Variants in DPP10 observed in about 807,000 individuals in gnomAD.
DPP10 encodes the protein dipeptidyl peptidase like 10.
Under a neutral mutation model 120.9 loss-of-function variants are expected in DPP10, and 33 were observed. The observed-to-expected ratio is 0.27, with a 90% confidence interval of 0.21 to 0.37. The LOEUF is 0.37. Ranked by LOEUF, DPP10 falls within the 10% of genes least tolerant of loss-of-function variation. DPP10 has a pLI of 1.00. For synonymous variants in DPP10, 337 were observed against 326.1 expected (o/e 1.03, Z -0.36); for missense variants, 816 against 942.8 (o/e 0.87, Z 1.76).
At chr2:114,602,174 T>C (rs970534555) in intron 1 of DPP10, among the ~76,000 whole-genome samples, 1 of 151,830 alleles carries the variant, frequency 6.6e-6, no homozygotes, top group Admixed American at 6.6e-5. Context: ...GCCATGAAAG[T>C]TGAATTTTCC....
chr2:115,178,771 A>G (rs777244475), intron 1 of DPP10, among the ~76,000 whole-genome samples: 5 of 152,212 alleles, frequency 3.3e-5, no homozygotes, highest in Non-Finnish European at 7.3e-5. Flanking sequence ...GTATGTATAT[A>G]TACATTTATT....
intron 5 of DPP10, among the ~76,000 whole-genome samples, chr2:115,645,163 C>T (rs1344330686): frequency 6.6e-6 from 1 of 152,078 alleles, no homozygotes; most frequent in Non-Finnish European, 1.5e-5. Flanking sequence ...TTAAAGGGCC[C>T]TGAGAATTGA....
intron 1 of DPP10, among the ~76,000 whole-genome samples, chr2:114,747,680 GTTCT>G (rs1436276828): frequency 6.6e-6 from 1 of 152,106 alleles, no homozygotes; most frequent in African/African-American, 2.4e-5. Context: ...TTCACAGTTT[GTTCT>G]TTCTTCTCTG....
chr2:114,456,762 G>C lies in DPP10; in HGVS notation c.60+13924G>C, dbSNP rs556657100. Among the ~76,000 whole-genome samples the C allele has an allele frequency of 1.1e-3, 163 of 152,274 alleles. 3 individuals carry two copies. The highest frequency in any genetic ancestry group is 3.5e-3 in the East Asian group (18 of 5,188). On this transcript the variant is annotated intron_variant, in intron 1 of 25. Transcript: ENST00000410059. ...AAAGTACTGGGCTGAATTTTTCCCA[G>C]TAATTAAAATAGGGCATAAGAGGCA...
chr2:115,779,999 A>G (rs1263877230), intron 15 of DPP10, among the ~76,000 whole-genome samples: 1 of 151,972 alleles, frequency 6.6e-6, no homozygotes, highest in Non-Finnish European at 1.5e-5. Flanking sequence ...CGTATTGCAC[A>G]TCAAAATCAA....
intron 1 of DPP10, among the ~76,000 whole-genome samples, chr2:114,852,350 C>G (rs115443043): frequency 0.01 from 1,526 of 151,776 alleles, 30 homozygotes; most frequent in African/African-American, 0.034. Flanking sequence ...TCCATGGGTT[C>G]TGTATCCGTG....
At chr2:115,200,283 G>A (rs897215411) in intron 1 of DPP10, among the ~76,000 whole-genome samples, 2 of 152,322 alleles carry the variant, frequency 1.3e-5, no homozygotes, top group African/African-American at 2.4e-5. Context: ...TTGTTGTATA[G>A]AGCAGAGTTT....
chr2:114,739,946 T>C (rs909690670), intron 1 of DPP10, among the ~76,000 whole-genome samples: 6 of 152,120 alleles, frequency 3.9e-5, no homozygotes, highest in African/African-American at 1.4e-4. Context: ...GAAGTCAGTG[T>C]TGCAATTCCT....
intron 1 of DPP10, among the ~76,000 whole-genome samples, chr2:114,595,829 C>T (rs1691861531): frequency 6.6e-6 from 1 of 152,072 alleles, no homozygotes; most frequent in South Asian, 2.1e-4. Context: ...ACTTCAGGCA[C>T]CTGGAGCAAT....
intron 1 of DPP10, among the ~76,000 whole-genome samples, chr2:115,154,132 C>T (rs2051744064): frequency 1.3e-5 from 2 of 152,178 alleles, no homozygotes; most frequent in African/African-American, 4.8e-5. Context: ...GGAATTTAAG[C>T]TGTATTTACA....
chr2:114,753,060 G>A (rs1318732781), intron 1 of DPP10, among the ~76,000 whole-genome samples: 1 of 152,134 alleles, frequency 6.6e-6, no homozygotes, highest in Non-Finnish European at 1.5e-5. Context: ...GCTAGCTCCT[G>A]AAGAGAATGA....
chr2:114,928,830 G>A (rs1283783761), intron 1 of DPP10, among the ~76,000 whole-genome samples: 2 of 152,192 alleles, frequency 1.3e-5, no homozygotes, highest in Non-Finnish European at 2.9e-5. Flanking sequence ...AGCACGAGGT[G>A]TATGCTTCCA....
chr2:115,506,504 A>G (rs2076949202), intron 4 of DPP10, among the ~76,000 whole-genome samples: 1 of 152,132 alleles, frequency 6.6e-6, no homozygotes, highest in South Asian at 2.1e-4. Flanking sequence ...GTTGTTTTTA[A>G]TATTACTAGC....
rs143541143 is a variant in DPP10, at chr2:114,680,235, G to T, written c.60+237397G>T. Among the ~76,000 whole-genome samples, 761 of 152,088 alleles carry T rather than the reference G, an allele frequency of 5.0e-3. 4 individuals are homozygous for T. Among genetic ancestry groups the T allele is most frequent in the African/African-American group, 0.017 (708 of 41,540 alleles). The stretch of plus-strand genomic sequence containing the variant: ...ATAAAAACTTTTCATGTTCCTGCTA[G>T]TGATGTCCCTTATGGGAAACTCATG... On this transcript the variant is annotated intron_variant, in intron 1 of 25. Transcript: ENST00000410059.
intron 3 of DPP10, among the ~76,000 whole-genome samples, chr2:115,377,175 A>C (rs2065877457): frequency 6.6e-6 from 1 of 152,092 alleles, no homozygotes; most frequent in African/African-American, 2.4e-5. Context: ...CCAACAGTGT[A>C]AAAGTGTTCG....
chr2:115,587,338 T>C (rs1021814938), intron 5 of DPP10, among the ~76,000 whole-genome samples: 1 of 152,200 alleles, frequency 6.6e-6, no homozygotes, highest in African/African-American at 2.4e-5. Flanking sequence ...GACCTCATGA[T>C]CCGCCCGCCT....
chr2:114,945,149 G>A lies in DPP10; in HGVS notation c.61-364090G>A, dbSNP rs10198075. ...AAAACCAAAAAATTCCTAGAAAAGCGTGAAGCAGAAAATCTATGTAAATTT... is the reference window on the plus strand; with the variant it reads ...AAAACCAAAAAATTCCTAGAAAAGCATGAAGCAGAAAATCTATGTAAATTT... On this transcript the variant is annotated intron_variant, in intron 1 of 25. Coordinates refer to ENST00000410059, the MANE Select transcript of DPP10 (RefSeq NM_020868.6). 3.4e-3 allele frequency among the ~76,000 whole-genome samples: 513 copies of A among 152,282 alleles called. 1 individual carries two copies. The highest frequency in any genetic ancestry group is 0.011 in the African/African-American group (470 of 41,558).
At chr2:114,849,534 C>T (rs1356284548) in intron 1 of DPP10, among the ~76,000 whole-genome samples, 1 of 152,034 alleles carries the variant, frequency 6.6e-6, no homozygotes. Context: ...GATAAGGTTT[C>T]ACCATGTTAC....
intron 5 of DPP10, among the ~76,000 whole-genome samples, chr2:115,555,589 A>G (rs758370206): frequency 6.6e-6 from 1 of 152,104 alleles, no homozygotes; most frequent in South Asian, 2.1e-4. Context: ...AAGGAAAACT[A>G]ATGTGATACT....
Sources: gnomAD v4.1 joint callset for allele counts (sites outside exome capture counted in the v4.1 genomes callset) on GRCh38, gnomAD v4.1.1 for gene constraint, MANE v1.5 for transcripts, NCBI Gene and HGNC (gene_info 2026-07-23, HGNC 2026-07-21) for gene names.